The following GAPVD1 variants were observed in gnomAD, a reference collection of about 807,000 sequenced individuals.
GAPVD1 encodes the protein GTPase-activating protein and VPS9 domain-containing protein 1.
A neutral mutation model predicts 155.5 loss-of-function variants in GAPVD1; 35 were observed. That is an observed-to-expected ratio of 0.23 (90% CI 0.17 to 0.30). The LOEUF is 0.30. Ranked by LOEUF, GAPVD1 falls within the 10% of genes least tolerant of loss-of-function variation. The pLI is 1.00. For synonymous variants in GAPVD1, 636 were observed against 619.7 expected, an observed-to-expected ratio of 1.03 and a Z score of -0.39; for missense variants, 1,429 against 1,775.7, an observed-to-expected ratio of 0.80 and a Z score of 3.51.
At chr9:125,339,315 T>C (rs1301758978) in intron 17 of GAPVD1, among the ~76,000 whole-genome samples, 1 of 151,934 alleles carries the variant, frequency 6.6e-6, no homozygotes, top group African/African-American at 2.4e-5. Context: ...TTGGTTAGGG[T>C]TTGTCACTAT....
intron 1 of GAPVD1, among the ~76,000 whole-genome samples, chr9:125,267,172 C>G (rs1444141339): frequency 3.9e-5 from 6 of 152,212 alleles, no homozygotes; most frequent in Non-Finnish European, 7.3e-5. Flanking sequence ...CCTAGATTTG[C>G]TGTTAACATT....
intron 5 of GAPVD1, among the ~76,000 whole-genome samples, 155 bp downstream of exon 5, chr9:125,302,981 G>A (rs944511949): frequency 6.6e-6 from 1 of 152,128 alleles, no homozygotes; most frequent in Non-Finnish European, 1.5e-5. Context: ...TTAAATAAAA[G>A]CAGTAATACT....
rs1331642921 is a variant in GAPVD1, at chr9:125,350,767, A to G, written c.3464A>G (p.Gln1155Arg). The G allele has an allele frequency of 6.3e-7, 1 of 1,587,022 alleles. No individual in the cohort carries two copies. Among genetic ancestry groups the G allele is most frequent in the African/African-American group, 1.3e-5 (1 of 74,450 alleles). Residue 1155 changes from glutamine to arginine, a missense_variant, in exon 23 of 28, where the codon CAA becomes CGA. This residue lies in a region of GAPVD1 where 699 missense variants were observed against 826.0 expected (regional missense o/e 0.85). Transcript: ENST00000297933. ...KVQIAEAINL[Q>R]DKNLMAQLQE... ...CAAATAGCTGAAGCAATTAATTTAC[A>G]AGATAAGAATCTAATGGCTCAACTT...
intron 2 of GAPVD1, among the ~76,000 whole-genome samples, chr9:125,273,964 CTT>C (rs1835330313): frequency 1.3e-5 from 2 of 151,032 alleles, no homozygotes; most frequent in Non-Finnish European, 3.0e-5. Context: ...AATAAATATT[CTT>C]TGTTTTTTAT....
chr9:125,353,416 T>C (rs1849584409), intron 23 of GAPVD1, among the ~76,000 whole-genome samples: 2 of 152,196 alleles, frequency 1.3e-5, no homozygotes, highest in African/African-American at 4.8e-5. Flanking sequence ...TTCCCACATT[T>C]TCCTGTCTTC....
chr9:125,362,793 A>G lies in GAPVD1; in HGVS notation c.*47A>G. The G allele has an allele frequency of 6.4e-7, 1 of 1,574,538 alleles. No homozygotes were observed. Among genetic ancestry groups the G allele is most frequent in the Non-Finnish European group, 8.7e-7 (1 of 1,152,342 alleles). The stretch of plus-strand genomic sequence containing the variant: ...GCAGCAGACTGTTAATCAGACAAAC[A>G]GATCTCTGAGAAGGTGCATCAGCTG... On this transcript the variant is annotated 3_prime_UTR_variant, in exon 28 of 28. Transcript: ENST00000297933.
At chr9:125,262,991 C>A (rs1355829833) in intron 1 of GAPVD1, among the ~76,000 whole-genome samples, 1 of 152,136 alleles carries the variant, frequency 6.6e-6, no homozygotes. Flanking sequence ...ACTAGACCCG[C>A]CGTTAGACAT....
chr9:125,339,702 T>C (rs1847554967), intron 17 of GAPVD1, among the ~76,000 whole-genome samples: 1 of 152,246 alleles, frequency 6.6e-6, no homozygotes, highest in Non-Finnish European at 1.5e-5. Flanking sequence ...ACACATTCAA[T>C]TCTAGTCCAA....
chr9:125,314,867 G>A (rs1362659129), intron 9 of GAPVD1, among the ~76,000 whole-genome samples: 2 of 147,928 alleles, frequency 1.4e-5, no homozygotes, highest in African/African-American at 2.5e-5. Flanking sequence ...GGCTCACTGC[G>A]AGGTCCACCT....
At chr9:125,325,580 T>C (rs1438010192) in intron 11 of GAPVD1, among the ~76,000 whole-genome samples, 1 of 149,636 alleles carries the variant, frequency 6.7e-6, no homozygotes, top group East Asian at 2.0e-4. Context: ...GATTTTAGCA[T>C]GCATAAGAAT....
Position 125,362,858 on chromosome 9 carries a change from C to A in GAPVD1, c.*112C>A. On this transcript the variant is annotated 3_prime_UTR_variant, in exon 28 of 28. Coordinates refer to ENST00000297933, the MANE Select transcript of GAPVD1 (RefSeq NM_001282680.3). ...GATTGTTTTGTATGATACTGCACAG[C>A]ATCAGGCATTTTAAAGCAGATCTTT... The A allele has an allele frequency of 1.2e-6, 1 of 841,858 alleles. No individual in the cohort carries two copies. Among genetic ancestry groups the A allele is most frequent in the Non-Finnish European group, 1.8e-6 (1 of 559,628 alleles). The allele number at this position is 841,858 out of a possible 1,614,324, so 52.1% of individuals were successfully genotyped here.
chr9:125,293,301 A>T (rs900815847), intron 2 of GAPVD1, among the ~76,000 whole-genome samples: 1 of 152,102 alleles, frequency 6.6e-6, no homozygotes, highest in African/African-American at 2.4e-5. Flanking sequence ...TCCTTTCATC[A>T]TACCTGTAGT....
intron 24 of GAPVD1, 40 bp downstream of exon 24, chr9:125,354,881 A>G (rs1849830341): frequency 7.4e-7 from 1 of 1,360,044 alleles, no homozygotes; most frequent in Admixed American, 1.7e-5. Context: ...CTTCACCTGT[A>G]ATACTGTTGG....
intron 2 of GAPVD1, among the ~76,000 whole-genome samples, chr9:125,278,484 A>C (rs181514791): frequency 1.2e-3 from 184 of 151,470 alleles, no homozygotes; most frequent in African/African-American, 4.1e-3. Flanking sequence ...TCATGCCACT[A>C]CCCTCCAGCC....
intron 2 of GAPVD1, among the ~76,000 whole-genome samples, chr9:125,270,969 T>G (rs1255538114): frequency 6.6e-6 from 1 of 152,018 alleles, no homozygotes; most frequent in Non-Finnish European, 1.5e-5. Context: ...AAAAGAATGG[T>G]TGAGTGAAGG....
At chr9:125,335,255 A>G in intron 15 of GAPVD1, 1 of 733,712 alleles carries the variant, frequency 1.4e-6, no homozygotes, top group Non-Finnish European at 2.5e-6. Context: ...GTCTTCTAGT[A>G]AGCTGTACAT....
chr9:125,336,325 T>C (rs764224746), intron 15 of GAPVD1, among the ~76,000 whole-genome samples: 7 of 151,434 alleles, frequency 4.6e-5, no homozygotes, highest in Non-Finnish European at 1.0e-4. Context: ...AAAAATAGCT[T>C]CAGACTAAAA....
At chr9:125,296,230 G>T (rs1283280304) in intron 3 of GAPVD1, among the ~76,000 whole-genome samples, 1 of 150,184 alleles carries the variant, frequency 6.7e-6, no homozygotes, top group African/African-American at 2.5e-5. Context: ...CCAGGCTGGA[G>T]TGCAGTGGCA....
At position 125,302,630 on chromosome 9, in the gene GAPVD1, A is replaced by G. The variant is rs1215113334; in HGVS notation, c.833A>G (p.His278Arg). 1.9e-6 allele frequency: 3 copies of G among 1,613,852 alleles called. No individual in the cohort carries two copies. The highest frequency in any genetic ancestry group is 4.5e-5 in the East Asian group (2 of 44,886). ...YLKQNTYCFP[H>R]SLRWIVSQMY... Reference sequence around the variant, plus strand: ...AAACAGAACACATATTGTTTTCCACATAGTTTAAGGTGGATCGTGTCTCAG... The same window carrying G: ...AAACAGAACACATATTGTTTTCCACGTAGTTTAAGGTGGATCGTGTCTCAG... The change falls in exon 5 of 28, where the codon CAT becomes CGT. Residue 278 changes from histidine to arginine, a missense_variant. Physicochemically the swap from His to Arg is conservative, Grantham distance 29. Coordinates refer to ENST00000297933, the MANE Select transcript of GAPVD1 (RefSeq NM_001282680.3).
Sources: allele counts gnomAD v4.1 joint callset (sites outside exome capture counted in the v4.1 genomes callset), GRCh38; gene constraint gnomAD v4.1.1; regional missense constraint gnomAD v4.1.1; transcripts MANE v1.5; gene names NCBI Gene and HGNC (gene_info 2026-07-23, HGNC 2026-07-21).